BICC1: variants seen among roughly 807,000 people sequenced by gnomAD.
BICC1 encodes protein bicaudal C homolog 1.
A neutral mutation model predicts 111.0 loss-of-function variants in BICC1; 43 were observed. The observed-to-expected ratio is 0.39, with a 90% CI of 0.30 to 0.50. The LOEUF (loss-of-function observed/expected upper bound fraction) is 0.50. BICC1 is among the 20% of genes least tolerant of loss of function. The pLI is 0.88. For synonymous variants in BICC1, 467 were observed against 434.4 expected (o/e 1.07, Z -0.93); for missense variants, 1,091 against 1,203.2 (o/e 0.91, Z 1.38).
chr10:58,822,144 A>G (rs890385728), intron 20 of BICC1, among the ~76,000 whole-genome samples: 2 of 152,168 alleles, frequency 1.3e-5, no homozygotes, highest in Non-Finnish European at 2.9e-5. Flanking sequence ...TGATTAACTT[A>G]TGCATTCACC....
At chr10:58,794,166 TG>T (rs928686839) in intron 9 of BICC1, among the ~76,000 whole-genome samples, 54 of 24,506 alleles carry the variant, frequency 2.2e-3, no homozygotes, top group African/African-American at 0.014. Context: ...TTACATGTTT[TG>T]TGTGTGTGTG....
chr10:58,777,142 CTTTG>C (rs1353503663), intron 3 of BICC1, among the ~76,000 whole-genome samples: 1 of 151,242 alleles, frequency 6.6e-6, no homozygotes, highest in Admixed American at 6.6e-5. Flanking sequence ...TTGCTTTCTA[CTTTG>C]TTTGCATTTC....
chr10:58,791,225 T>A (rs1431462524), intron 8 of BICC1, among the ~76,000 whole-genome samples: 1 of 152,220 alleles, frequency 6.6e-6, no homozygotes, highest in Non-Finnish European at 1.5e-5. Context: ...ATCTTCATTT[T>A]TTTTCTGCTT....
intron 3 of BICC1, among the ~76,000 whole-genome samples, chr10:58,768,304 A>C (rs751327483): frequency 6.6e-6 from 1 of 152,154 alleles, no homozygotes; most frequent in Non-Finnish European, 1.5e-5. Flanking sequence ...GGGATGATAT[A>C]CTCAAAGTGC....
At chr10:58,789,576 A>C in intron 7 of BICC1, 106 bp from the exon 8 acceptor site, 1 of 1,524,100 alleles carries the variant, frequency 6.6e-7, no homozygotes, top group Admixed American at 1.9e-5. Flanking sequence ...TTTGGTTTGC[A>C]GAATATGCTG....
intron 17 of BICC1, among the ~76,000 whole-genome samples, chr10:58,809,790 A>G (rs1843843121): frequency 6.6e-6 from 1 of 152,182 alleles, no homozygotes; most frequent in African/African-American, 2.4e-5. Flanking sequence ...TTCACCCACA[A>G]TTTTATTCAA....
At chr10:58,792,625 T>C (rs982472525) in intron 8 of BICC1, among the ~76,000 whole-genome samples, 1 of 152,160 alleles carries the variant, frequency 6.6e-6, no homozygotes, top group Non-Finnish European at 1.5e-5. Flanking sequence ...GAGATTTAGG[T>C]TGCATGCTCC....
intron 1 of BICC1, among the ~76,000 whole-genome samples, chr10:58,518,591 G>GTT (rs1564468233): frequency 4.2e-5 from 1 of 23,730 alleles, no homozygotes. Context: ...TGTGTGTGTT[G>GTT]GGGGGGGGGG....
At chr10:58,718,765 T>TGTGTGC (rs369039194) in intron 3 of BICC1, among the ~76,000 whole-genome samples, 323 of 148,254 alleles carry the variant, frequency 2.2e-3, no homozygotes, top group African/African-American at 7.8e-3. Context: ...TGTGTGTGTG[T>TGTGTGC]GCGCGCGCGC....
At chr10:58,793,837 A>C (rs775972562) in intron 9 of BICC1, among the ~76,000 whole-genome samples, 5 of 152,170 alleles carry the variant, frequency 3.3e-5, no homozygotes, top group African/African-American at 1.2e-4. Context: ...TTTTCATATT[A>C]GGGATGCCCA....
At chr10:58,790,100 C>CA (rs1554833080) in intron 8 of BICC1, among the ~76,000 whole-genome samples, 167 bp downstream of exon 8, 1 of 152,178 alleles carries the variant, frequency 6.6e-6, no homozygotes, top group Non-Finnish European at 1.5e-5. Flanking sequence ...TAATAAGGTT[C>CA]ATAGTGCCTC....
At chr10:58,822,902 A>T (rs1434092219) in intron 20 of BICC1, among the ~76,000 whole-genome samples, 1 of 152,062 alleles carries the variant, frequency 6.6e-6, no homozygotes, top group Admixed American at 6.6e-5. Context: ...TTCCTTTTTA[A>T]ATTTTGTAGA....
chr10:58,567,575 A>G (rs1401845964), intron 1 of BICC1, among the ~76,000 whole-genome samples: 3 of 151,564 alleles, frequency 2.0e-5, no homozygotes, highest in African/African-American at 7.3e-5. Context: ...CCCTAAAATT[A>G]TATATAAAAT....
intron 17 of BICC1, among the ~76,000 whole-genome samples, chr10:58,809,170 G>A (rs1330027714): frequency 1.3e-5 from 2 of 151,174 alleles, no homozygotes; most frequent in Non-Finnish European, 2.9e-5. Context: ...TTACAGGCAT[G>A]CGCCACAACG....
chr10:58,759,079 C>T (rs1842229015), intron 3 of BICC1, among the ~76,000 whole-genome samples: 1 of 151,908 alleles, frequency 6.6e-6, no homozygotes, highest in Non-Finnish European at 1.5e-5. Flanking sequence ...TCTGCCTCAG[C>T]CTCCTGAGTA....
chr10:58,583,942 A>G (rs1160194198), intron 1 of BICC1, among the ~76,000 whole-genome samples: 1 of 152,084 alleles, frequency 6.6e-6, no homozygotes, highest in African/African-American at 2.4e-5. Context: ...CTCTGGAATT[A>G]TAGGCATGAG....
intron 3 of BICC1, among the ~76,000 whole-genome samples, chr10:58,746,398 C>A (rs1329993653): frequency 6.6e-6 from 1 of 152,154 alleles, no homozygotes; most frequent in Non-Finnish European, 1.5e-5. Context: ...CTCTTTCAGA[C>A]AACAAGGTGT....
At chr10:58,797,043 C>T (rs1401484803) in intron 10 of BICC1, among the ~76,000 whole-genome samples, 19 of 152,048 alleles carry the variant, frequency 1.2e-4, no homozygotes, top group Admixed American at 9.2e-4. Flanking sequence ...TTCTGTCTAA[C>T]GTGAGGAATA....
At chr10:58,805,528 T>C (rs1310959184) in intron 15 of BICC1, among the ~76,000 whole-genome samples, 1 of 152,244 alleles carries the variant, frequency 6.6e-6, no homozygotes, top group Admixed American at 6.5e-5. Context: ...ATTTAAAAAC[T>C]TCATCAAAAA....
Sources: allele counts gnomAD v4.1 joint callset (sites outside exome capture counted in the v4.1 genomes callset), GRCh38; gene constraint gnomAD v4.1.1; transcripts MANE v1.5; gene names NCBI Gene and HGNC (gene_info 2026-07-23, HGNC 2026-07-21).